Variants in TMEM38B observed in about 807,000 individuals in gnomAD.
The protein encoded by TMEM38B is trimeric intracellular cation channel type B.
A neutral mutation model predicts 28.7 loss-of-function variants in TMEM38B; 24 were observed. That is an observed-to-expected ratio of 0.84 (90% confidence interval 0.61 to 1.18). TMEM38B has a LOEUF of 1.18. Among genes scored for constraint, TMEM38B ranks in the 50% most tolerant of loss-of-function variants. The pLI, the probability that TMEM38B is intolerant of heterozygous loss-of-function variation, is 0.00. For synonymous variants in TMEM38B, 131 were observed against 127.7 expected, an observed-to-expected ratio of 1.03 and a Z score of -0.17; for missense variants, 380 against 350.9, an observed-to-expected ratio of 1.08 and a Z score of -0.66.
intron 5 of TMEM38B, among the ~76,000 whole-genome samples, chr9:105,753,321 G>T (rs1468302458): frequency 6.6e-6 from 1 of 152,042 alleles, no homozygotes; most frequent in Non-Finnish European, 1.5e-5. Flanking sequence ...AGGGAACCCA[G>T]TTAGATACTC....
At chr9:105,758,567 G>A in intron 5 of TMEM38B, 1 of 1,173,622 alleles carries the variant, frequency 8.5e-7, no homozygotes, top group African/African-American at 1.5e-5. Flanking sequence ...AATTTCTTAA[G>A]AATCATGTAA....
At chr9:105,721,511 T>A (rs2133576815) in intron 2 of TMEM38B, 26 bp from the exon 3 acceptor site, 1 of 1,512,854 alleles carries the variant, frequency 6.6e-7, no homozygotes, top group Non-Finnish European at 8.9e-7. Flanking sequence ...CATTAATATA[T>A]TAAAATGTTT....
At chr9:105,704,929 A>G (rs1242384328) in intron 1 of TMEM38B, among the ~76,000 whole-genome samples, 2 of 131,134 alleles carry the variant, frequency 1.5e-5, no homozygotes, top group Non-Finnish European at 3.1e-5. Context: ...ATCTCAAAGT[A>G]AAAAAAAAAA....
chr9:105,755,578 A>G (rs571533706), intron 5 of TMEM38B, among the ~76,000 whole-genome samples: 3 of 152,232 alleles, frequency 2.0e-5, no homozygotes, highest in East Asian at 1.9e-4. Context: ...TTTAGGAACA[A>G]CTTCACAGTT....
rs185134463 is a variant in TMEM38B, at chr9:105,772,298, C to G, written c.661-1567C>G. 2.6e-5 allele frequency among the ~76,000 whole-genome samples: 4 copies of G among 152,296 alleles called. No homozygotes were observed. The East Asian group carries it at 7.7e-4, about 29-fold the overall frequency. On this transcript the variant is annotated intron_variant, in intron 5 of 5. Coordinates refer to ENST00000374692, the MANE Select transcript of TMEM38B (RefSeq NM_018112.3). The stretch of plus-strand genomic sequence containing the variant: ...AATTGCACGAGGATTTTAGGGCTCA[C>G]TTCCATGCGACATCCTCCTCTTTGG...
chr9:105,714,402 G>A (rs550518611), intron 2 of TMEM38B, among the ~76,000 whole-genome samples: 1 of 152,142 alleles, frequency 6.6e-6, no homozygotes, highest in African/African-American at 2.4e-5. Flanking sequence ...CAGCCACAAA[G>A]GTTTCTGCCC....
chr9:105,739,037 A>G (rs1301440081), intron 4 of TMEM38B, among the ~76,000 whole-genome samples: 5 of 152,058 alleles, frequency 3.3e-5, no homozygotes, highest in African/African-American at 1.2e-4. Flanking sequence ...TAATTTTTAT[A>G]TATCATATGA....
At chr9:105,713,926 C>T (rs545297532) in intron 2 of TMEM38B, among the ~76,000 whole-genome samples, 30 of 152,288 alleles carry the variant, frequency 2.0e-4, no homozygotes, top group Admixed American at 1.7e-3. Flanking sequence ...TTGGGGCCAC[C>T]TCTGCTGAGA....
At chr9:105,763,795 C>T (rs972610188) in intron 5 of TMEM38B, among the ~76,000 whole-genome samples, 3 of 151,824 alleles carry the variant, frequency 2.0e-5, no homozygotes, top group Non-Finnish European at 2.9e-5. Flanking sequence ...GAATTTTAGA[C>T]CAATATCCTT....
chr9:105,695,513 C>A (rs1445249220), intron 1 of TMEM38B, among the ~76,000 whole-genome samples: 2 of 152,180 alleles, frequency 1.3e-5, no homozygotes, highest in Admixed American at 6.5e-5. Context: ...TTTAGCAATG[C>A]GATCAAGGGA....
intron 4 of TMEM38B, among the ~76,000 whole-genome samples, chr9:105,728,520 G>T (rs1588424627): frequency 6.6e-6 from 1 of 152,228 alleles, no homozygotes; most frequent in East Asian, 1.9e-4. Context: ...CCAAGTCTTT[G>T]CTATTATGAA....
chr9:105,708,610 A>G (rs1249455852), intron 2 of TMEM38B, among the ~76,000 whole-genome samples: 2 of 152,142 alleles, frequency 1.3e-5, no homozygotes, highest in Non-Finnish European at 2.9e-5. Context: ...ATTCTTGCTC[A>G]GTTTGCTCTA....
intron 4 of TMEM38B, among the ~76,000 whole-genome samples, chr9:105,747,369 T>C (rs1837450009): frequency 6.6e-6 from 1 of 152,198 alleles, no homozygotes; most frequent in Non-Finnish European, 1.5e-5. Context: ...TGTGTAGAGG[T>C]GTTTATAGTA....
chr9:105,694,594 T>A lies in TMEM38B; in HGVS notation c.-67T>A. Reference sequence around the variant, plus strand: ...CGGCCGCGGCTGTGCCCTCTCCTACTCCTCACCGCGCGAGCGCGGGGAACC... The same window carrying A: ...CGGCCGCGGCTGTGCCCTCTCCTACACCTCACCGCGCGAGCGCGGGGAACC... On this transcript the variant is annotated 5_prime_UTR_variant, in exon 1 of 6. Transcript: ENST00000374692. 1 of 1,368,188 alleles carries A rather than the reference T, an allele frequency of 7.3e-7. No homozygotes were observed. The highest frequency in any genetic ancestry group is 1.7e-5 in the Admixed American group (1 of 58,878). The allele number at this position is 1,368,188 out of a possible 1,614,324, so 84.8% of individuals were successfully genotyped here.
At chr9:105,736,356 A>C (rs1836978923) in intron 4 of TMEM38B, among the ~76,000 whole-genome samples, 1 of 151,524 alleles carries the variant, frequency 6.6e-6, no homozygotes, top group Non-Finnish European at 1.5e-5. Flanking sequence ...TTAAGTCACA[A>C]TTCTTTTTTC....
At chr9:105,733,417 T>TTTTC (rs1442041938) in intron 4 of TMEM38B, among the ~76,000 whole-genome samples, 1 of 140,822 alleles carries the variant, frequency 7.1e-6, no homozygotes, top group Admixed American at 7.0e-5. Context: ...CAGTTTTCTT[T>TTTTC]TTTCTTTTTT....
chr9:105,732,270 C>G (rs1836778557), intron 4 of TMEM38B, among the ~76,000 whole-genome samples: 2 of 152,282 alleles, frequency 1.3e-5, no homozygotes, highest in Non-Finnish European at 1.5e-5. Context: ...CCTGTTCACT[C>G]TGATGGTAGT....
intron 5 of TMEM38B, chr9:105,759,622 G>A (rs1837962178): frequency 3.5e-5 from 55 of 1,576,836 alleles, no homozygotes; most frequent in Non-Finnish European, 4.7e-5. Context: ...AAGTAAAGAG[G>A]CATCCAGTGT....
intron 4 of TMEM38B, among the ~76,000 whole-genome samples, chr9:105,730,865 A>G (rs1343047662): frequency 1.3e-5 from 2 of 152,160 alleles, no homozygotes. Context: ...AGGTGTTTAT[A>G]GTATTCTCTG....
Sources: allele counts gnomAD v4.1 joint callset (sites outside exome capture counted in the v4.1 genomes callset), GRCh38; gene constraint gnomAD v4.1.1; transcripts MANE v1.5; gene names NCBI Gene and HGNC (gene_info 2026-07-23, HGNC 2026-07-21).